The following SLC38A9 variants were observed in gnomAD, a reference collection of about 807,000 sequenced individuals.
SLC38A9 encodes solute carrier family 38 member 9.
Under a neutral mutation model 62.3 loss-of-function variants are expected in SLC38A9, and 48 were observed. The observed-to-expected ratio is 0.77, with a 90% CI of 0.61 to 0.98. The LOEUF (loss-of-function observed/expected upper bound fraction) is 0.98, where lower values mean the gene tolerates loss of function less well. SLC38A9 is among the 50% of genes least tolerant of loss of function. The pLI is 0.00. For missense variants in SLC38A9, 541 were observed against 679.8 expected (o/e 0.80, Z 2.27); for synonymous variants, 204 against 227.7 (o/e 0.90, Z 0.94).
Position 55,696,980 on chromosome 5 carries a change from C to G in SLC38A9, c.113+866G>C, listed in dbSNP as rs190871395. ...CAGACGATGGGCAGCGGGGCAGAGA[C>G]GCTCCTCACTTCCTAGATGTGATGG... On this transcript the variant is annotated intron_variant, in intron 3 of 15. Coordinates refer to ENST00000396865, the MANE Select transcript of SLC38A9 (RefSeq NM_173514.4). 1,154 of 153,490 alleles carry G rather than the reference C, an allele frequency of 7.5e-3. 15 individuals carry two copies. Among genetic ancestry groups the G allele is most frequent in the African/African-American group, 0.026 (1,055 of 40,118 alleles). 9.5% of individuals were successfully genotyped at this position (153,490 alleles called of 1,614,324 possible). A position where few individuals can be genotyped will look rare whatever the true frequency, so the allele number is the denominator to read the frequency against.
At chr5:55,654,294 T>C (rs1748030487) in intron 9 of SLC38A9, among the ~76,000 whole-genome samples, 1 of 152,174 alleles carries the variant, frequency 6.6e-6, no homozygotes, top group Admixed American at 6.5e-5. Context: ...AGACAGAAAT[T>C]TTCTTGTGCT....
chr5:55,626,296 C>A lies in SLC38A9; in HGVS notation c.*198G>T. The A allele has an allele frequency of 2.0e-6, 1 of 498,982 alleles. No homozygotes were observed. 30.9% of individuals were successfully genotyped at this position (498,982 alleles called of 1,614,324 possible). A position where few individuals can be genotyped will look rare whatever the true frequency, so the allele number is the denominator to read the frequency against. On this transcript the variant is annotated 3_prime_UTR_variant, in exon 16 of 16. Coordinates refer to ENST00000396865, the MANE Select transcript of SLC38A9 (RefSeq NM_173514.4). The stretch of plus-strand genomic sequence containing the variant: ...AGTTAATATGAGAAAGGTAAAGACA[C>A]TAAGATCATTCTTTTTGCCCCTTTC...
In SLC38A9 at chr5:55,706,799, T is replaced by C. The variant is rs564036623; in HGVS notation, c.-35+4653A>G. Among the ~76,000 whole-genome samples, 230 of 152,232 alleles carry C rather than the reference T, an allele frequency of 1.5e-3. No individual in the cohort carries two copies. In the Middle Eastern group the frequency reaches 0.017, roughly 11 times the overall value. On this transcript the variant is annotated intron_variant, in intron 2 of 15. Coordinates refer to ENST00000396865, the MANE Select transcript of SLC38A9 (RefSeq NM_173514.4). Reference sequence around the variant, plus strand: ...TCAACAGAAATTTAATGTCCCCTCCTTTTTTCCCCACACAGAGCCAAGGTG... The same window carrying C: ...TCAACAGAAATTTAATGTCCCCTCCCTTTTTCCCCACACAGAGCCAAGGTG...
intron 2 of SLC38A9, among the ~76,000 whole-genome samples, chr5:55,708,124 T>C (rs1028458964): frequency 6.6e-6 from 1 of 152,246 alleles, no homozygotes; most frequent in Non-Finnish European, 1.5e-5. Context: ...CAGTAGGGAA[T>C]GAACAGCTTA....
rs1750904387 is a variant in SLC38A9 at position 55,669,204 on chromosome 5, A to G, written c.526+24T>C. The G allele has an allele frequency of 1.9e-6, 3 of 1,560,784 alleles. No individual in the cohort carries two copies. The African/African-American group carries it at 4.1e-5, about 21-fold the overall frequency. On this transcript the variant is annotated intron_variant, in intron 7 of 15. Transcript: ENST00000396865. ...AAATGCTTATTAATACCCATAATCT[A>G]TTGTCACTGTGTCAAATTCTTACAC...
intron 11 of SLC38A9, among the ~76,000 whole-genome samples, chr5:55,646,595 A>T (rs10940476): frequency 0.59 from 90,435 of 151,994 alleles, 27,580 homozygotes; most frequent in South Asian, 0.7. Context: ...TAAAAAACAT[A>T]ATGTAAAAAT....
chr5:55,673,862 C>T (rs778095094), intron 3 of SLC38A9, among the ~76,000 whole-genome samples: 12 of 152,046 alleles, frequency 7.9e-5, no homozygotes, highest in Non-Finnish European at 1.6e-4. Flanking sequence ...CAGGTGTGCA[C>T]CACCATGCCT....
chr5:55,639,983 C>T (rs374552444), intron 12 of SLC38A9, among the ~76,000 whole-genome samples: 26 of 98,422 alleles, frequency 2.6e-4, no homozygotes, highest in Non-Finnish European at 2.5e-4. Flanking sequence ...TAAACCTTTG[C>T]TTTTTTTTTT....
chr5:55,630,538 G>T (rs1156935069), intron 14 of SLC38A9, among the ~76,000 whole-genome samples: 1 of 152,070 alleles, frequency 6.6e-6, no homozygotes, highest in East Asian at 1.9e-4. Flanking sequence ...GGATGGTCTC[G>T]ATCTCCTGAC....
intron 4 of SLC38A9, among the ~76,000 whole-genome samples, chr5:55,671,085 T>C (rs1034592352): frequency 4.3e-4 from 65 of 152,210 alleles, no homozygotes; most frequent in Admixed American, 2.6e-4. Flanking sequence ...TTAATAATAC[T>C]AATTTCAAAA....
At chr5:55,665,619 T>C (rs947001809) in intron 7 of SLC38A9, among the ~76,000 whole-genome samples, 3 of 144,914 alleles carry the variant, frequency 2.1e-5, no homozygotes, top group Non-Finnish European at 3.1e-5. Flanking sequence ...AATGTAGAAA[T>C]AGAACATGAA....
At chr5:55,635,481 C>A in intron 13 of SLC38A9, 63 bp downstream of exon 13, 1 of 1,195,972 alleles carries the variant, frequency 8.4e-7, no homozygotes, top group Non-Finnish European at 1.2e-6. Flanking sequence ...ACTGTATCAC[C>A]CTACCTACTA....
chr5:55,654,407 C>T (rs1017770929), intron 9 of SLC38A9, among the ~76,000 whole-genome samples: 2 of 152,106 alleles, frequency 1.3e-5, no homozygotes, highest in Admixed American at 1.3e-4. Context: ...CACTTGAGGC[C>T]AAGAGTTTGA....
At chr5:55,665,605 A>T (rs1407511963) in intron 7 of SLC38A9, among the ~76,000 whole-genome samples, 1 of 152,036 alleles carries the variant, frequency 6.6e-6, no homozygotes, top group African/African-American at 2.4e-5. Context: ...AAGTTAGAAA[A>T]CATAATGTAG....
chr5:55,666,715 G>A (rs1194615710), intron 7 of SLC38A9, among the ~76,000 whole-genome samples: 1 of 151,670 alleles, frequency 6.6e-6, no homozygotes, highest in African/African-American at 2.4e-5. Flanking sequence ...CCAACATGGC[G>A]AAACACCATC....
intron 2 of SLC38A9, among the ~76,000 whole-genome samples, chr5:55,702,427 AT>A (rs113500611): frequency 5.2e-4 from 75 of 143,772 alleles, no homozygotes; most frequent in East Asian, 6.1e-4. Context: ...ATGCCTGGCT[AT>A]TTTTTTTTTT....
intron 2 of SLC38A9, among the ~76,000 whole-genome samples, chr5:55,710,433 C>A (rs376650226): frequency 6.9e-4 from 105 of 151,970 alleles, no homozygotes; most frequent in African/African-American, 2.4e-3. Context: ...GTCTTGAACT[C>A]CTAACCTCAA....
intron 8 of SLC38A9, among the ~76,000 whole-genome samples, chr5:55,664,140 G>GAA (rs56268609): frequency 4.0e-5 from 6 of 150,472 alleles, no homozygotes; most frequent in Non-Finnish European, 7.4e-5. Context: ...CTCAAAAAAA[G>GAA]AAAAAAAAAT....
intron 10 of SLC38A9, among the ~76,000 whole-genome samples, chr5:55,649,714 C>T (rs148220055): frequency 8.9e-4 from 136 of 152,000 alleles, no homozygotes; most frequent in African/African-American, 3.2e-3. Context: ...CACAGCTACT[C>T]GGGAGGCTGA....
Sources: gnomAD v4.1 joint callset for allele counts (sites outside exome capture counted in the v4.1 genomes callset) on GRCh38, gnomAD v4.1.1 for gene constraint, MANE v1.5 for transcripts, NCBI Gene and HGNC (gene_info 2026-07-23, HGNC 2026-07-21) for gene names.